PIAS1: variants seen among roughly 807,000 people sequenced by gnomAD.
The protein encoded by PIAS1 is E3 SUMO-protein ligase PIAS1.
Under a neutral mutation model 71.3 loss-of-function variants are expected in PIAS1, and 6 were observed. That is an observed-to-expected ratio of 0.08 (90% CI 0.05 to 0.17). PIAS1 has a LOEUF of 0.17. PIAS1 is among the 10% of genes least tolerant of loss of function. The probability of loss-of-function intolerance (pLI) is 1.00; values close to 1 mark genes in which losing one functional copy is unlikely to be tolerated. For synonymous variants in PIAS1, 303 were observed against 292.9 expected, an observed-to-expected ratio of 1.03 and a Z score of -0.35; for missense variants, 555 against 793.6, an observed-to-expected ratio of 0.70 and a Z score of 3.61.
chr15:68,093,525 ATTC>A (rs1319941909), intron 2 of PIAS1, among the ~76,000 whole-genome samples: 18 of 152,314 alleles, frequency 1.2e-4, no homozygotes, highest in Non-Finnish European at 5.9e-5. Flanking sequence ...CTTTTGCGCC[ATTC>A]TTCTTAAACT....
At chr15:68,166,969 G>A (rs2092961350) in intron 8 of PIAS1, among the ~76,000 whole-genome samples, 1 of 152,114 alleles carries the variant, frequency 6.6e-6, no homozygotes, top group South Asian at 2.1e-4. Context: ...GGGACTACCG[G>A]CATGTGCCAC....
rs201990465 is a variant in PIAS1, at chr15:68,125,156, CT to C, written c.470-16781del. Reference sequence around the variant, plus strand: ...TTCCCTGTTCTGGTCATTTTCTTTTCTTTTTTTTTCCCCCTGTGTACTTATT... The same window carrying C: ...TTCCCTGTTCTGGTCATTTTCTTTTCTTTTTTTTCCCCCTGTGTACTTATT... On this transcript the variant is annotated intron_variant, in intron 2 of 13. Coordinates refer to ENST00000249636, the MANE Select transcript of PIAS1 (RefSeq NM_016166.3). Among the ~76,000 whole-genome samples, 1,053 of 151,620 alleles carry C rather than the reference CT, an allele frequency of 6.9e-3. 9 individuals are homozygous for C. Among genetic ancestry groups the C allele is most frequent in the Non-Finnish European group, 0.01 (710 of 67,828 alleles).
chr15:68,106,951 T>A (rs2092476557), intron 2 of PIAS1, among the ~76,000 whole-genome samples: 1 of 152,140 alleles, frequency 6.6e-6, no homozygotes, highest in African/African-American at 2.4e-5. Flanking sequence ...TGAAAATAAT[T>A]CATGAGTGTT....
At chr15:68,138,951 T>A (rs1220101222) in intron 2 of PIAS1, among the ~76,000 whole-genome samples, 1 of 152,172 alleles carries the variant, frequency 6.6e-6, no homozygotes, top group African/African-American at 2.4e-5. Flanking sequence ...GATGGTGAGA[T>A]TAGTTCAGTG....
intron 11 of PIAS1, among the ~76,000 whole-genome samples, chr15:68,179,309 TTGAGA>T (rs2093038051): frequency 6.6e-6 from 1 of 152,228 alleles, no homozygotes; most frequent in Non-Finnish European, 1.5e-5. Context: ...TCTATGCTGT[TTGAGA>T]TGTTTTCAAA....
chr15:68,055,183 T>C, intron 1 of PIAS1: 1 of 975,592 alleles, frequency 1.0e-6, no homozygotes, highest in Non-Finnish European at 1.2e-6. Context: ...GAGAGGAGCC[T>C]TTGGGGGTCT....
At chr15:68,145,782 A>G (rs1477560920) in intron 4 of PIAS1, 34 bp from the exon 5 acceptor site, 1 of 1,203,038 alleles carries the variant, frequency 8.3e-7, no homozygotes, top group Non-Finnish European at 1.2e-6. Context: ...TCATCCTTTA[A>G]TAAAGGAAAT....
intron 8 of PIAS1, among the ~76,000 whole-genome samples, chr15:68,169,834 T>C (rs1355908600): frequency 6.6e-6 from 1 of 152,204 alleles, no homozygotes. Context: ...GTAAACGTAA[T>C]TGAATCCCCA....
At chr15:68,095,956 T>A (rs2092371789) in intron 2 of PIAS1, among the ~76,000 whole-genome samples, 1 of 152,188 alleles carries the variant, frequency 6.6e-6, no homozygotes, top group Non-Finnish European at 1.5e-5. Context: ...GTAAATAAGC[T>A]TTAGATGTGC....
At chr15:68,069,378 A>G (rs1257594161) in intron 1 of PIAS1, among the ~76,000 whole-genome samples, 1 of 152,162 alleles carries the variant, frequency 6.6e-6, no homozygotes, top group Admixed American at 6.5e-5. Context: ...CTTTGGTATC[A>G]CATTTACTTA....
At chr15:68,057,068 T>C (rs2091904039) in intron 1 of PIAS1, among the ~76,000 whole-genome samples, 1 of 152,216 alleles carries the variant, frequency 6.6e-6, no homozygotes, top group Non-Finnish European at 1.5e-5. Context: ...ATTTTCCTCA[T>C]GGCTTTTTTA....
chr15:68,142,351 T>C lies in PIAS1; in HGVS notation c.602+14T>C. 1.3e-6 allele frequency: 2 copies of C among 1,567,956 alleles called. No individual in the cohort carries two copies. The highest frequency in any genetic ancestry group is 1.8e-6 in the Non-Finnish European group (2 of 1,138,836). On this transcript the variant is annotated intron_variant, in intron 4 of 13. Coordinates refer to ENST00000249636, the MANE Select transcript of PIAS1 (RefSeq NM_016166.3). The stretch of plus-strand genomic sequence containing the variant: ...GGTCCAGTTAAGGTACAGTGCTGAC[T>C]ATAGGATATATTCAAAGTTTAAAAG...
At chr15:68,138,615 C>T (rs375049028) in intron 2 of PIAS1, among the ~76,000 whole-genome samples, 4 of 152,168 alleles carry the variant, frequency 2.6e-5, no homozygotes, top group African/African-American at 7.2e-5. Flanking sequence ...GCTGGGATTA[C>T]AGGCGCATGC....
chr15:68,150,217 T>C (rs2092835579), intron 6 of PIAS1, among the ~76,000 whole-genome samples: 1 of 152,046 alleles, frequency 6.6e-6, no homozygotes, highest in Non-Finnish European at 1.5e-5. Flanking sequence ...ATGAAAAGAA[T>C]AGCTCACCAA....
intron 2 of PIAS1, among the ~76,000 whole-genome samples, chr15:68,087,099 C>T (rs1024341505): frequency 3.9e-5 from 6 of 152,086 alleles, no homozygotes; most frequent in African/African-American, 1.2e-4. Flanking sequence ...TCTTAATTTT[C>T]AGGGGTTGAT....
At chr15:68,058,664 T>C (rs1044418056) in intron 1 of PIAS1, among the ~76,000 whole-genome samples, 4 of 152,242 alleles carry the variant, frequency 2.6e-5, no homozygotes, top group Admixed American at 2.6e-4. Flanking sequence ...TGCAAAAAGT[T>C]TGGAGTTTGT....
chr15:68,101,892 A>G (rs1207800521), intron 2 of PIAS1, among the ~76,000 whole-genome samples: 1 of 152,160 alleles, frequency 6.6e-6, no homozygotes, highest in Non-Finnish European at 1.5e-5. Context: ...TTGAGACTAC[A>G]GGTGTGTGCC....
At chr15:68,095,045 T>C (rs964845941) in intron 2 of PIAS1, among the ~76,000 whole-genome samples, 2 of 152,176 alleles carry the variant, frequency 1.3e-5, no homozygotes, top group Non-Finnish European at 2.9e-5. Flanking sequence ...ATGATTGGCT[T>C]TTTTGGGTTT....
At position 68,173,568 on chromosome 15, in the gene PIAS1, G is replaced by A. The variant is rs1349676328; in HGVS notation, c.1009-164G>A. On this transcript the variant is annotated intron_variant, in intron 8 of 13. Coordinates refer to ENST00000249636, the MANE Select transcript of PIAS1 (RefSeq NM_016166.3). The surrounding 1 kb of genome is among the most constrained non-coding windows in gnomAD (Gnocchi z 4.3). ...AAATACTGTCATTTTTTAACCTATG[G>A]ATATTTCACAGGAAATGTGTTTAAT... 3.9e-5 allele frequency among the ~76,000 whole-genome samples: 6 copies of A among 152,078 alleles called. No individual in the cohort carries two copies. The highest frequency in any genetic ancestry group is 3.3e-4 in the Admixed American group (5 of 15,256).
Sources: gnomAD v4.1 joint callset for allele counts (sites outside exome capture counted in the v4.1 genomes callset) on GRCh38, gnomAD v4.1.1 for gene constraint, Gnocchi (gnomAD v3.1) non-coding constraint, MANE v1.5 for transcripts, NCBI Gene and HGNC (gene_info 2026-07-23, HGNC 2026-07-21) for gene names.